The following FAM186B variants were observed in gnomAD, a reference collection of about 807,000 sequenced individuals.
The protein encoded by FAM186B is family with sequence similarity 186 member B.
FAM186B carries 68 observed loss-of-function variants against 83.4 expected under a neutral mutation model. The observed-to-expected ratio is 0.81, with a 90% CI of 0.67 to 1.00. The LOEUF is 1.00. Ranked by LOEUF, FAM186B falls within the 50% of genes least tolerant of loss-of-function variation. The pLI is 0.00. For missense variants in FAM186B, 983 were observed against 1,099.2 expected, an observed-to-expected ratio of 0.89 and a Z score of 1.49; for synonymous variants, 389 against 422.0, an observed-to-expected ratio of 0.92 and a Z score of 0.96.
chr12:49,620,022 T>G, the FAM186B span, among the ~76,000 whole-genome samples: 1 of 152,066 alleles, frequency 6.6e-6, no homozygotes, highest in South Asian at 2.1e-4. Flanking sequence ...ATAAACTATT[T>G]GAGTGGGTTC....
At chr12:49,588,898 A>G (rs1014554344) in intron 5 of FAM186B, among the ~76,000 whole-genome samples, 5 of 152,156 alleles carry the variant, frequency 3.3e-5, no homozygotes, top group Admixed American at 6.5e-5. Context: ...GAAGAAAATG[A>G]AACCAGAGCA....
intron 5 of FAM186B, among the ~76,000 whole-genome samples, chr12:49,596,979 C>T (rs1399405774): frequency 6.6e-6 from 1 of 152,190 alleles, no homozygotes; most frequent in African/African-American, 2.4e-5. Flanking sequence ...ACCGTGGTCT[C>T]ATAAGATTAT....
intron 2 of FAM186B, among the ~76,000 whole-genome samples, 178 bp from the exon 3 acceptor site, chr12:49,603,545 A>G (rs1430258890): frequency 1.3e-5 from 2 of 152,218 alleles, no homozygotes; most frequent in Non-Finnish European, 1.5e-5. Context: ...TCCCTATAAA[A>G]GAACTGCGTG....
chr12:49,614,150 CAA>C, the FAM186B span, among the ~76,000 whole-genome samples: 8 of 131,432 alleles, frequency 6.1e-5, no homozygotes, highest in African/African-American at 5.6e-5. Flanking sequence ...AACTCTGTCT[CAA>C]AAAAAAAAAA....
Position 49,599,693 on chromosome 12 carries a change from A to G in FAM186B, c.1947T>C (p.Ser649=). 6.2e-7 allele frequency: 1 copy of G among 1,610,164 alleles called. No individual in the cohort carries two copies. The highest frequency in any genetic ancestry group is 8.5e-7 in the Non-Finnish European group (1 of 1,178,248). ...GTSIRRLTWP[S]LQISPANIKK... is the part of the protein sequence containing the mutation. Reference sequence around the variant, plus strand: ...TAATATTTGCAGGGGATATCTGCAAAGAGGGCCAGGTCAGCCTTCGGATGG... The same window carrying G: ...TAATATTTGCAGGGGATATCTGCAAGGAGGGCCAGGTCAGCCTTCGGATGG... Residue 649 remains serine (S), a synonymous_variant, in exon 4 of 7, where the codon TCT becomes TCC. Coordinates refer to ENST00000257894, the MANE Select transcript of FAM186B (RefSeq NM_032130.3).
At chr12:49,583,037 G>A (rs1345847772), downstream of FAM186B, 5 of 456,136 alleles carry the variant, frequency 1.1e-5, no homozygotes, top group South Asian at 6.2e-5. Flanking sequence ...GCTAGAGGAC[G>A]TGCAGAAGGT....
At chr12:49,604,245 G>A in intron 2 of FAM186B, 68 bp downstream of exon 2, 1 of 1,242,356 alleles carries the variant, frequency 8.0e-7, no homozygotes, top group Non-Finnish European at 1.2e-6. Flanking sequence ...TGTGTCCTGT[G>A]CTGTCCCTGT....
chr12:49,600,332 G>A lies in FAM186B; in HGVS notation c.1308C>T (p.Ser436=), dbSNP rs1939851618. Residue 436 remains serine, a synonymous_variant, in exon 4 of 7, where the codon AGC becomes AGT. Transcript: ENST00000257894. The surrounding 1 kb of genome is among the most constrained non-coding windows in gnomAD (Gnocchi z 4.3). ...PKKWERPVAE[S]LGHKDKDQED... The stretch of plus-strand genomic sequence containing the variant: ...CCTGGTCTTTGTCTTTGTGGCCTAA[G>A]CTTTCTGCCACCGGTCTTTCCCATT... 6.2e-7 allele frequency: 1 copy of A among 1,614,036 alleles called. No homozygotes were observed.
chr12:49,615,016 T>C, the FAM186B span, among the ~76,000 whole-genome samples: 5 of 151,974 alleles, frequency 3.3e-5, no homozygotes, highest in Non-Finnish European at 7.4e-5. Flanking sequence ...TAGTCCCAGC[T>C]ACTCAGGAGG....
chr12:49,587,894 C>T (rs1312198966), intron 6 of FAM186B, 142 bp from the exon 7 acceptor site: 3 of 910,452 alleles, frequency 3.3e-6, no homozygotes, highest in Non-Finnish European at 4.9e-6. Context: ...CTCATCTCCC[C>T]TCCAACACTG....
intron 5 of FAM186B, among the ~76,000 whole-genome samples, chr12:49,590,659 C>A (rs575089258): frequency 3.8e-4 from 58 of 152,208 alleles, no homozygotes; most frequent in Non-Finnish European, 6.9e-4. Context: ...AGAGGAAAAA[C>A]ACGAGGTCTC....
At chr12:49,585,306 C>T (rs941048841), downstream of FAM186B, among the ~76,000 whole-genome samples, 1 of 152,334 alleles carries the variant, frequency 6.6e-6, no homozygotes, top group Non-Finnish European at 1.5e-5. Context: ...GCGTGAGCCA[C>T]TATGCCCGGC....
chr12:49,587,314 C>G (rs1939466200), downstream of FAM186B, among the ~76,000 whole-genome samples: 1 of 152,088 alleles, frequency 6.6e-6, no homozygotes, highest in Admixed American at 6.6e-5. Context: ...TGAGATGGGG[C>G]TCTTCAGAAT....
chr12:49,614,527 T>G, the FAM186B span, among the ~76,000 whole-genome samples: 3 of 152,100 alleles, frequency 2.0e-5, no homozygotes, highest in Admixed American at 1.3e-4. Flanking sequence ...AGCTAAACAT[T>G]GGGTACTTAT....
In FAM186B at chr12:49,600,119, C is replaced by T; in HGVS notation, c.1521G>A (p.Trp507Ter). 1 of 1,613,396 alleles carries T rather than the reference C, an allele frequency of 6.2e-7. No homozygotes were observed. Among genetic ancestry groups the T allele is most frequent in the Non-Finnish European group, 8.5e-7 (1 of 1,179,674 alleles). ...EEMWQQRQKK[W>*]ALLEQEHQEK... is the part of the protein sequence containing the mutation. ...CCTGATGCTCCTGCTCCAGCAGGGC[C>T]CACTTCTTCTGCCGCTGCTGCCACA... is the stretch of plus-strand genomic sequence containing the variant. The change falls in exon 4 of 7, where the codon TGG (tryptophan) becomes TGA (stop). Residue 507 changes from tryptophan (W) to a stop codon, truncating the protein, a stop_gained. Coordinates refer to ENST00000257894, the MANE Select transcript of FAM186B (RefSeq NM_032130.3). LOFTEE classifies it high-confidence loss of function. The surrounding 1 kb of genome is among the most constrained non-coding windows in gnomAD (Gnocchi z 4.3).
chr12:49,609,250 TCTC>T (rs1416251819), upstream of FAM186B, among the ~76,000 whole-genome samples: 1 of 152,092 alleles, frequency 6.6e-6, no homozygotes, highest in Non-Finnish European at 1.5e-5. Flanking sequence ...GCTAGACTGT[TCTC>T]CTGAGATCAT....
At chr12:49,604,848 T>A (rs900729173) in intron 1 of FAM186B, 1 of 249,794 alleles carries the variant, frequency 4.0e-6, no homozygotes, top group African/African-American at 2.3e-5. Flanking sequence ...TTCTTTAGAA[T>A]TTCAGAGGTT....
the FAM186B span, among the ~76,000 whole-genome samples, chr12:49,611,150 A>T: frequency 6.6e-6 from 1 of 152,092 alleles, no homozygotes; most frequent in Non-Finnish European, 1.5e-5. Flanking sequence ...AGGCAGGTGG[A>T]TCATCTGAAG....
chr12:49,585,553 C>T (rs1443231369), downstream of FAM186B, among the ~76,000 whole-genome samples: 1 of 152,202 alleles, frequency 6.6e-6, no homozygotes, highest in Non-Finnish European at 1.5e-5. Context: ...TCTAGCATCT[C>T]AAACCATGGA....
Sources: gnomAD v4.1 joint callset for allele counts (sites outside exome capture counted in the v4.1 genomes callset) on GRCh38, gnomAD v4.1.1 for gene constraint, Gnocchi (gnomAD v3.1) non-coding constraint, MANE v1.5 for transcripts, NCBI Gene and HGNC (gene_info 2026-07-23, HGNC 2026-07-21) for gene names.